Variants in ERC2 observed in about 807,000 individuals in gnomAD.
ERC2 encodes ELKS/RAB6-interacting/CAST family member 2, also known as ERC protein 2.
Under a neutral mutation model 114.8 loss-of-function variants are expected in ERC2, and 42 were observed. That is an observed-to-expected ratio of 0.37 (90% CI 0.29 to 0.47). The LOEUF is 0.47. ERC2 is among the 20% of genes least tolerant of loss of function. The pLI is 0.99. For synonymous variants in ERC2, 454 were observed against 425.5 expected (o/e 1.07, Z -0.82); for missense variants, 939 against 1,150.7 (o/e 0.82, Z 2.66).
rs573508299 is a variant in ERC2, at chr3:55,512,949, G to C, written c.*40-1673C>G. Among the ~76,000 whole-genome samples, 15 of 152,200 alleles carry C rather than the reference G, an allele frequency of 9.9e-5. No homozygotes were observed. The South Asian group carries it at 2.9e-3, about 29-fold the overall frequency. On this transcript the variant is annotated intron_variant, in intron 17 of 17. Coordinates refer to ENST00000288221, the MANE Select transcript of ERC2 (RefSeq NM_015576.3). ...TTTAGAAATGCAGATGATCCCTTCTGGGGGGGCAAAGAAGCATATGCTTTA... is the reference window on the plus strand; with the variant it reads ...TTTAGAAATGCAGATGATCCCTTCTCGGGGGGCAAAGAAGCATATGCTTTA...
intron 17 of ERC2, among the ~76,000 whole-genome samples, chr3:55,594,276 T>C (rs547947454): frequency 2.2e-4 from 33 of 152,268 alleles, no homozygotes; most frequent in African/African-American, 7.2e-4. Context: ...AGGATGGAGA[T>C]AGATGGCAAC....
intron 1 of ERC2, among the ~76,000 whole-genome samples, chr3:56,436,656 G>A (rs1487107719): frequency 1.3e-5 from 2 of 152,136 alleles, no homozygotes; most frequent in Non-Finnish European, 2.9e-5. Context: ...CCACCATATT[G>A]TATCCTCCAG....
intron 2 of ERC2, among the ~76,000 whole-genome samples, chr3:56,345,061 C>T (rs2058252066): frequency 6.6e-6 from 1 of 152,176 alleles, no homozygotes; most frequent in East Asian, 1.9e-4. Flanking sequence ...TAAAGAAAAA[C>T]TAATATTTAC....
At chr3:56,360,778 T>G (rs550257325) in intron 2 of ERC2, among the ~76,000 whole-genome samples, 1 of 152,004 alleles carries the variant, frequency 6.6e-6, no homozygotes, top group Non-Finnish European at 1.5e-5. Context: ...CATGGTGGCA[T>G]AGGCATGTAA....
chr3:56,114,985 C>A (rs1170662454), intron 6 of ERC2, among the ~76,000 whole-genome samples: 1 of 152,142 alleles, frequency 6.6e-6, no homozygotes, highest in Non-Finnish European at 1.5e-5. Context: ...AGATTCCTAA[C>A]CTCCCCAATT....
chr3:55,835,400 C>T (rs1160347792), intron 14 of ERC2, among the ~76,000 whole-genome samples: 1 of 152,132 alleles, frequency 6.6e-6, no homozygotes, highest in Non-Finnish European at 1.5e-5. Flanking sequence ...AAAGCTTATC[C>T]ACCATGATCA....
chr3:55,665,633 G>T (rs1196258454), intron 17 of ERC2, among the ~76,000 whole-genome samples: 1 of 152,156 alleles, frequency 6.6e-6, no homozygotes, highest in Non-Finnish European at 1.5e-5. Flanking sequence ...TAAAGGAGAG[G>T]CATGGAATAG....
At chr3:55,846,102 A>G (rs2061351920) in intron 14 of ERC2, among the ~76,000 whole-genome samples, 1 of 152,224 alleles carries the variant, frequency 6.6e-6, no homozygotes, top group South Asian at 2.1e-4. Flanking sequence ...CCAAGTGCTA[A>G]GCCTAATACC....
At chr3:56,209,225 G>T (rs1284804697) in intron 3 of ERC2, among the ~76,000 whole-genome samples, 1 of 151,964 alleles carries the variant, frequency 6.6e-6, no homozygotes, top group Non-Finnish European at 1.5e-5. Flanking sequence ...ACCCTTCCTT[G>T]TCTTGAATCT....
chr3:56,251,524 T>A (rs1223226075), intron 3 of ERC2, among the ~76,000 whole-genome samples: 1 of 152,076 alleles, frequency 6.6e-6, no homozygotes, highest in African/African-American at 2.4e-5. Context: ...AAAAAATAAA[T>A]CTCATTCAAG....
At chr3:55,887,539 T>C (rs2063405628) in intron 14 of ERC2, among the ~76,000 whole-genome samples, 1 of 152,228 alleles carries the variant, frequency 6.6e-6, no homozygotes, top group African/African-American at 2.4e-5. Flanking sequence ...TAAATTATAA[T>C]TTAGTGATGA....
At chr3:55,593,524 TTA>T (rs1300148644) in intron 17 of ERC2, among the ~76,000 whole-genome samples, 4 of 152,336 alleles carry the variant, frequency 2.6e-5, no homozygotes, top group South Asian at 4.1e-4. Flanking sequence ...CCCAAGCTCC[TTA>T]TGTCTTCAAA....
chr3:56,186,280 T>C (rs747777118), intron 3 of ERC2, among the ~76,000 whole-genome samples: 3 of 152,154 alleles, frequency 2.0e-5, no homozygotes, highest in South Asian at 2.1e-4. Flanking sequence ...AAACATGTGG[T>C]AATTTGTCAT....
At chr3:55,527,517 A>G (rs2053405550) in intron 17 of ERC2, among the ~76,000 whole-genome samples, 1 of 152,136 alleles carries the variant, frequency 6.6e-6, no homozygotes, top group African/African-American at 2.4e-5. Flanking sequence ...CTTGATCTCA[A>G]CTGACCGTCA....
At chr3:55,586,031 C>T (rs1217013519) in intron 17 of ERC2, among the ~76,000 whole-genome samples, 2 of 152,216 alleles carry the variant, frequency 1.3e-5, no homozygotes, top group African/African-American at 2.4e-5. Flanking sequence ...CGTTTGAGAG[C>T]AGGGCTTCCT....
chr3:55,531,867 G>A (rs1310640297), intron 17 of ERC2, among the ~76,000 whole-genome samples: 7 of 152,214 alleles, frequency 4.6e-5, no homozygotes, highest in African/African-American at 1.7e-4. Context: ...AAGGCACATA[G>A]CAAACCTGGT....
At chr3:55,771,500 C>A (rs2068197899) in intron 14 of ERC2, among the ~76,000 whole-genome samples, 1 of 152,198 alleles carries the variant, frequency 6.6e-6, no homozygotes, top group African/African-American at 2.4e-5. Context: ...AAAGCTAGGA[C>A]TTGAACCCAG....
Position 55,670,537 on chromosome 3 carries a change from C to T in ERC2, c.*39+13257G>A, listed in dbSNP as rs140571464. ...ATGTGAGTCAGTGCAGACAAGCAACCGCCCTGCAGCTCTGGAGTCAGACAT... is the reference window on the plus strand; with the variant it reads ...ATGTGAGTCAGTGCAGACAAGCAACTGCCCTGCAGCTCTGGAGTCAGACAT... On this transcript the variant is annotated intron_variant, in intron 17 of 17. Transcript: ENST00000288221. Among the ~76,000 whole-genome samples the T allele has an allele frequency of 9.6e-4, 146 of 152,304 alleles. 1 individual carries two copies. Among genetic ancestry groups the T allele is most frequent in the East Asian group, 1.4e-3 (7 of 5,178 alleles).
At chr3:55,610,883 G>A (rs956764093) in intron 17 of ERC2, 1 of 152,224 alleles carries the variant, frequency 6.6e-6, no homozygotes, top group African/African-American at 2.4e-5. Flanking sequence ...TCTATATGGT[G>A]AGTTCCAGCA....
Sources: gnomAD v4.1 joint callset for allele counts (sites outside exome capture counted in the v4.1 genomes callset) on GRCh38, gnomAD v4.1.1 for gene constraint, MANE v1.5 for transcripts, NCBI Gene and HGNC (gene_info 2026-07-23, HGNC 2026-07-21) for gene names.